Variants in KLHL11 observed in about 807,000 individuals in gnomAD.
The protein encoded by KLHL11 is kelch-like protein 11.
Under a neutral mutation model 56.1 loss-of-function variants are expected in KLHL11, and 26 were observed. That is an observed-to-expected ratio of 0.46 (90% CI 0.34 to 0.64). The LOEUF (loss-of-function observed/expected upper bound fraction) is 0.64. Among genes scored for constraint, KLHL11 ranks in the 30% least tolerant of loss-of-function variants. KLHL11 has a pLI of 0.01. For missense variants in KLHL11, 627 were observed against 919.4 expected, an observed-to-expected ratio of 0.68 and a Z score of 4.11; for synonymous variants, 338 against 345.8, an observed-to-expected ratio of 0.98 and a Z score of 0.25.
At chr17:41,862,366 G>A (rs1380986445) in intron 1 of KLHL11, among the ~76,000 whole-genome samples, 3 of 151,804 alleles carry the variant, frequency 2.0e-5, no homozygotes, top group Non-Finnish European at 4.4e-5. Context: ...TCTGCCTCCT[G>A]GGTTCACGCC....
chr17:41,864,688 G>GC (rs2048426072), intron 1 of KLHL11, 138 bp downstream of exon 1: 5 of 937,444 alleles, frequency 5.3e-6, no homozygotes, highest in Non-Finnish European at 5.9e-6. Flanking sequence ...CCCCAAGCAG[G>GC]CGCTCAGCGA....
intron 1 of KLHL11, among the ~76,000 whole-genome samples, chr17:41,858,449 C>T (rs200851068): frequency 2.0e-5 from 3 of 148,544 alleles, no homozygotes; most frequent in Non-Finnish European, 1.5e-5. Flanking sequence ...TTTTTCTCCC[C>T]GAGATGGAGT....
chr17:41,854,844 G>A lies in KLHL11; in HGVS notation c.1023C>T (p.Cys341=). The stretch of plus-strand genomic sequence containing the variant: ...GTGACACATGAGAAGTGGGGTGCTG[G>A]CATGTGCCAGATTGTATATTCTCAG... ...LRAENIQSGT[C]QHPTSHVSLL... Residue 341 remains cysteine, a synonymous_variant, in exon 2 of 2, where the codon TGC becomes TGT. Transcript: ENST00000319121. This position sits in a 1 kb window ranked among gnomAD's most constrained non-coding sequence, Gnocchi z 4.9. 5 of 1,614,176 alleles carry A rather than the reference G, an allele frequency of 3.1e-6. No individual in the cohort carries two copies. The highest frequency in any genetic ancestry group is 4.2e-6 in the Non-Finnish European group (5 of 1,180,030).
At chr17:41,859,852 G>C (rs1352587523) in intron 1 of KLHL11, among the ~76,000 whole-genome samples, 2 of 152,146 alleles carry the variant, frequency 1.3e-5, no homozygotes, top group East Asian at 3.8e-4. Flanking sequence ...AATCGTTTCA[G>C]ACAAATTCAT....
Position 41,848,659 on chromosome 17 carries a change from T to G in KLHL11, c.*5081A>C. ...TTCTAAATGCTACATCTCCTCTGAG[T>G]TAAGGGGAGATAGTGAAGATTATAT... On this transcript the variant is annotated 3_prime_UTR_variant, in exon 2 of 2. Transcript: ENST00000319121. The G allele has an allele frequency of 5.2e-6, 1 of 191,572 alleles. No homozygotes were observed. The highest frequency in any genetic ancestry group is 1.0e-4 in the South Asian group (1 of 9,706). The allele number at this position is 191,572 out of a possible 1,614,324, so 11.9% of individuals were successfully genotyped here.
chr17:41,862,286 T>C (rs560587990), intron 1 of KLHL11, among the ~76,000 whole-genome samples: 35 of 151,612 alleles, frequency 2.3e-4, no homozygotes, highest in African/African-American at 8.5e-4. Flanking sequence ...TTTATTTTTT[T>C]TTTTGAGATG....
intron 1 of KLHL11, among the ~76,000 whole-genome samples, chr17:41,864,554 G>C (rs2048424906): frequency 6.6e-6 from 1 of 152,264 alleles, no homozygotes; most frequent in Admixed American, 6.5e-5. Flanking sequence ...CAGCACAACA[G>C]TTACCACATA....
Position 41,850,648 on chromosome 17 carries a change from A to G in KLHL11, c.*3092T>C, listed in dbSNP as rs558560080. On this transcript the variant is annotated 3_prime_UTR_variant, in exon 2 of 2. Coordinates refer to ENST00000319121, the MANE Select transcript of KLHL11 (RefSeq NM_018143.3). ...AACTTCATTTAGTGAGCTTCATTTA[A>G]TGATTCTGTCTTACTTGCATAGACC... 6.6e-6 allele frequency: 1 copy of G among 152,356 alleles called. No homozygotes were observed. The highest frequency in any genetic ancestry group is 1.5e-5 in the Non-Finnish European group (1 of 68,032). 9.4% of individuals were successfully genotyped at this position (152,356 alleles called of 1,614,324 possible).
rs182322087 is a variant in KLHL11 at position 41,850,300 on chromosome 17, T to C, written c.*3440A>G. On this transcript the variant is annotated 3_prime_UTR_variant, in exon 2 of 2. Coordinates refer to ENST00000319121, the MANE Select transcript of KLHL11 (RefSeq NM_018143.3). The stretch of plus-strand genomic sequence containing the variant: ...AAATCAGGAAAACCTGCACACATCA[T>C]CATGCAATGAAGGACTTACCCCTTC... 2.0e-5 allele frequency: 3 copies of C among 152,326 alleles called. No individual in the cohort carries two copies. Among genetic ancestry groups the C allele is most frequent in the Admixed American group, 2.0e-4 (3 of 15,294 alleles). 9.4% of individuals were successfully genotyped at this position (152,326 alleles called of 1,614,324 possible).
intron 1 of KLHL11, among the ~76,000 whole-genome samples, chr17:41,862,226 T>C (rs1555623110): frequency 2.0e-5 from 3 of 149,474 alleles, no homozygotes; most frequent in African/African-American, 4.9e-5. Flanking sequence ...GTAGTTGGGA[T>C]TACAGGCACC....
chr17:41,865,149 G>T lies in KLHL11; in HGVS notation c.222C>A (p.Ser74Arg), dbSNP rs1555623417. The T allele has an allele frequency of 7.5e-6, 12 of 1,609,844 alleles. No homozygotes were observed. Among genetic ancestry groups the T allele is most frequent in the Non-Finnish European group, 1.0e-5 (12 of 1,178,934 alleles). ...PGPEAEDFEC[S>R]SHCSELSWRQ... ...GCCAGGACAGCTCTGAGCAGTGAGAGCTGCACTCGAAATCCTCGGCTTCTG... is the reference window on the plus strand; with the variant it reads ...GCCAGGACAGCTCTGAGCAGTGAGATCTGCACTCGAAATCCTCGGCTTCTG... The change falls in exon 1 of 2, where the codon AGC becomes AGA. Residue 74 changes from serine to arginine, a missense_variant. Transcript: ENST00000319121.
Position 41,850,518 on chromosome 17 carries a change from T to C in KLHL11, c.*3222A>G, listed in dbSNP as rs1437744806. 6.6e-6 allele frequency: 1 copy of C among 152,124 alleles called. No individual in the cohort carries two copies. The highest frequency in any genetic ancestry group is 1.5e-5 in the Non-Finnish European group (1 of 68,016). The allele number at this position is 152,124 out of a possible 1,614,324, so 9.4% of individuals were successfully genotyped here. A position where few individuals can be genotyped will look rare whatever the true frequency, so the allele number is the denominator to read the frequency against. On this transcript the variant is annotated 3_prime_UTR_variant, in exon 2 of 2. Transcript: ENST00000319121. ...CTGAGAACAAAAAACAAAAAACACA[T>C]CACACCCTTCCAGTTAAAAACTATT...
chr17:41,854,122 C>A lies in KLHL11; in HGVS notation c.1745G>T (p.Ser582Ile), dbSNP rs537788898. The change falls in exon 2 of 2, where the codon AGC becomes ATC. Residue 582 changes from serine to isoleucine, a missense_variant. Coordinates refer to ENST00000319121, the MANE Select transcript of KLHL11 (RefSeq NM_018143.3). This position sits in a 1 kb window ranked among gnomAD's most constrained non-coding sequence, Gnocchi z 4.9. The part of the protein sequence containing the change: ...ENEEAVRKIA[S>I]QVSDEILESL... ...TTCAAGGATCTCATCAGACACTTGG[C>A]TGGCAATTTTTCTTACTGCCTCTTC... is the stretch of plus-strand genomic sequence containing the variant. 294 of 1,614,048 alleles carry A rather than the reference C, an allele frequency of 1.8e-4. No homozygotes were observed. Among genetic ancestry groups the A allele is most frequent in the Non-Finnish European group, 2.3e-4 (268 of 1,180,022 alleles).
At position 41,853,563 on chromosome 17, in the gene KLHL11, A is replaced by C. The variant is rs2048343737; in HGVS notation, c.*177T>G. On this transcript the variant is annotated 3_prime_UTR_variant, in exon 2 of 2. Coordinates refer to ENST00000319121, the MANE Select transcript of KLHL11 (RefSeq NM_018143.3). ...ACAAAAATTGCAAGCTAACAAAATG[A>C]CCATGTATTGAACTGAGTCTCCCAT... 3.1e-6 allele frequency: 2 copies of C among 636,614 alleles called. No individual in the cohort carries two copies. The highest frequency in any genetic ancestry group is 6.0e-5 in the East Asian group (2 of 33,194). 39.4% of individuals were successfully genotyped at this position (636,614 alleles called of 1,614,324 possible). A position where few individuals can be genotyped will look rare whatever the true frequency, so the allele number is the denominator to read the frequency against.
chr17:41,855,991 C>T (rs9747865), intron 1 of KLHL11, among the ~76,000 whole-genome samples: 1 of 149,112 alleles, frequency 6.7e-6, no homozygotes, highest in Non-Finnish European at 1.5e-5. Context: ...CATCCCCCCC[C>T]CAAAAAAAAA....
rs1597945800 is a variant in KLHL11 at position 41,853,536 on chromosome 17, A to C, written c.*204T>G. 1.9e-6 allele frequency: 1 copy of C among 535,510 alleles called. No individual in the cohort carries two copies. Among genetic ancestry groups the C allele is most frequent in the Non-Finnish European group, 3.1e-6 (1 of 323,276 alleles). 33.2% of individuals were successfully genotyped at this position (535,510 alleles called of 1,614,324 possible). On this transcript the variant is annotated 3_prime_UTR_variant, in exon 2 of 2. Transcript: ENST00000319121. ...TAGCTAGCACAAACAAACAAACCAA[A>C]GACAAAAATTGCAAGCTAACAAAAT...
Position 41,852,159 on chromosome 17 carries a change from C to T in KLHL11, c.*1581G>A, listed in dbSNP as rs931626136. Reference sequence around the variant, plus strand: ...CTTCAAGTAGGAAGGACTACAGGCACGTGCCAGCTACCACACTCAGCTAAT... The same window carrying T: ...CTTCAAGTAGGAAGGACTACAGGCATGTGCCAGCTACCACACTCAGCTAAT... On this transcript the variant is annotated 3_prime_UTR_variant, in exon 2 of 2. Transcript: ENST00000319121. Among the ~76,000 whole-genome samples, 5 of 151,992 alleles carry T rather than the reference C, an allele frequency of 3.3e-5. No homozygotes were observed. The highest frequency in any genetic ancestry group is 4.8e-5 in the African/African-American group (2 of 41,386).
chr17:41,863,158 G>A (rs1220010641), intron 1 of KLHL11, among the ~76,000 whole-genome samples: 1 of 149,450 alleles, frequency 6.7e-6, no homozygotes, highest in Non-Finnish European at 1.5e-5. Flanking sequence ...TGCCCTTGGT[G>A]CCCCCTCCTC....
chr17:41,864,689 C>A (rs2048426054), intron 1 of KLHL11, 137 bp downstream of exon 1: 1 of 944,210 alleles, frequency 1.1e-6, no homozygotes, highest in Non-Finnish European at 1.5e-6. Flanking sequence ...CCCAAGCAGG[C>A]GCTCAGCGAG....
Sources: allele counts gnomAD v4.1 joint callset (sites outside exome capture counted in the v4.1 genomes callset), GRCh38; gene constraint gnomAD v4.1.1; non-coding constraint Gnocchi (gnomAD v3.1); transcripts MANE v1.5; gene names NCBI Gene and HGNC (gene_info 2026-07-23, HGNC 2026-07-21).